Variants in PNP observed in about 807,000 individuals in gnomAD.
PNP encodes HEL-S-156an.
In PNP, 18 loss-of-function variants were observed where a neutral mutation model predicts 26.8. The observed-to-expected ratio is 0.67, with a 90% confidence interval of 0.46 to 1.00. The LOEUF (loss-of-function observed/expected upper bound fraction) is 1.00. Ranked by LOEUF, PNP falls within the 50% of genes least tolerant of loss-of-function variation. The probability of loss-of-function intolerance (pLI) is 0.00; values close to 1 mark genes in which losing one functional copy is unlikely to be tolerated. For synonymous variants in PNP, 116 were observed against 124.8 expected (o/e 0.93, Z 0.47); for missense variants, 320 against 362.9 (o/e 0.88, Z 0.96).
At chr14:20,470,606 G>T (rs547674842) in intron 1 of PNP, 1 of 152,532 alleles carries the variant, frequency 6.6e-6, no homozygotes, top group East Asian at 1.9e-4. Flanking sequence ...GGATGTGAGA[G>T]AACTGGACTT....
At position 20,474,594 on chromosome 14, in the gene PNP, T is replaced by C. The variant is rs61730857; in HGVS notation, c.285+19T>C. ...CTGGAAGGTAAGTCAGAGGGATAGG[T>C]CCGGTTGGATCTGGAAGAGGCAGGA... On this transcript the variant is annotated intron_variant, in intron 3 of 5. Transcript: ENST00000361505. 10,022 of 1,600,744 alleles carry C rather than the reference T, an allele frequency of 6.3e-3. 449 individuals carry two copies. In the African/African-American group the frequency reaches 0.11, roughly 17 times the overall value.
Position 20,476,379 on chromosome 14 carries a change from A to G in PNP, c.653-5A>G. On this transcript the variant is annotated splice_region_variant and splice_polypyrimidine_tract_variant and intron_variant, in intron 5 of 5. Coordinates refer to ENST00000361505, the MANE Select transcript of PNP (RefSeq NM_000270.4). The stretch of plus-strand genomic sequence containing the variant: ...ACAGTTGGTTTCCATCTTTCTCACT[A>G]TCAGGCATGAGTACAGTACCAGAAG... The G allele has an allele frequency of 1.9e-6, 3 of 1,608,600 alleles. No individual in the cohort carries two copies. The highest frequency in any genetic ancestry group is 2.6e-6 in the Non-Finnish European group (3 of 1,175,242).
Position 20,476,763 on chromosome 14 carries a change from TGCC to T in PNP, c.*163_*165del. ...ACTTTCTTCTACCAGACCCTTCTGG[TGCC>T]AGATCCTCTTCTCAAAGCTGGGATT... On this transcript the variant is annotated 3_prime_UTR_variant, in exon 6 of 6. Transcript: ENST00000361505. 1.5e-6 allele frequency: 1 copy of T among 687,346 alleles called. No homozygotes were observed. The highest frequency in any genetic ancestry group is 2.6e-6 in the Non-Finnish European group (1 of 379,600). 42.6% of individuals were successfully genotyped at this position (687,346 alleles called of 1,614,324 possible).
chr14:20,471,650 A>G (rs1566524230), intron 1 of PNP, among the ~76,000 whole-genome samples: 1 of 152,180 alleles, frequency 6.6e-6, no homozygotes, highest in Non-Finnish European at 1.5e-5. Context: ...GACCTCTACC[A>G]GGGGTGGTCC....
chr14:20,469,553 C>T lies in PNP; in HGVS notation c.11+18C>T, dbSNP rs1186691202. The T allele has an allele frequency of 1.3e-6, 2 of 1,554,740 alleles. No individual in the cohort carries two copies. The highest frequency in any genetic ancestry group is 1.4e-5 in the African/African-American group (1 of 73,210). On this transcript the variant is annotated intron_variant, in intron 1 of 5. Coordinates refer to ENST00000361505, the MANE Select transcript of PNP (RefSeq NM_000270.4). ...GAGAACGGGTGAGGAGGGCACCAGG[C>T]CCGCAGGACCCTTGGGGAGGGGCAG...
intron 2 of PNP, 179 bp downstream of exon 2, chr14:20,472,656 A>C: frequency 1.4e-6 from 1 of 698,836 alleles, no homozygotes; most frequent in Non-Finnish European, 2.6e-6. Context: ...CCTCTAGCAG[A>C]CATCCCATAA....
At chr14:20,475,580 G>T (rs1008850620) in intron 5 of PNP, among the ~76,000 whole-genome samples, 1 of 152,100 alleles carries the variant, frequency 6.6e-6, no homozygotes, top group Non-Finnish European at 1.5e-5. Flanking sequence ...CGCCTCCCGG[G>T]TTCAAGCAAT....
rs104894451 is a variant in PNP at position 20,476,432 on chromosome 14, G to A, written c.701G>A (p.Arg234Gln). The change falls in exon 6 of 6, where the codon CGA becomes CAA. Residue 234 changes from arginine (R) to glutamine (Q), a missense_variant. By Grantham distance (43) the Arg-to-Gln change is conservative. Coordinates refer to ENST00000361505, the MANE Select transcript of PNP (RefSeq NM_000270.4). ...ATCGTTGCACGGCACTGTGGACTTCGAGTCTTTGGCTTCTCACTCATCACT... is the reference window on the plus strand; with the variant it reads ...ATCGTTGCACGGCACTGTGGACTTCAAGTCTTTGGCTTCTCACTCATCACT... ...EVIVARHCGL[R>Q]VFGFSLITNK... is the part of the protein sequence containing the mutation. 3.1e-5 allele frequency: 50 copies of A among 1,614,086 alleles called. No individual in the cohort carries two copies. The highest frequency in any genetic ancestry group is 4.1e-5 in the Non-Finnish European group (48 of 1,180,044).
At chr14:20,470,813 G>A (rs558028108) in intron 1 of PNP, 1 of 152,374 alleles carries the variant, frequency 6.6e-6, no homozygotes, top group East Asian at 1.9e-4. Flanking sequence ...GTGTAACAGA[G>A]CCATAGGTCT....
chr14:20,475,032 T>G, intron 4 of PNP, 30 bp from the exon 5 acceptor site: 3 of 1,614,108 alleles, frequency 1.9e-6, no homozygotes, highest in Non-Finnish European at 2.5e-6. Context: ...AAAATTCCGT[T>G]TATGTGAGAT....
intron 2 of PNP, chr14:20,472,842 G>A (rs1882016483): frequency 4.2e-6 from 1 of 238,768 alleles, no homozygotes; most frequent in South Asian, 5.6e-5. Flanking sequence ...TCCCTGGAGA[G>A]TTAAGAATTT....
intron 1 of PNP, among the ~76,000 whole-genome samples, chr14:20,471,195 T>TA (rs1881979136): frequency 8.2e-6 from 1 of 121,602 alleles, no homozygotes; most frequent in South Asian, 2.6e-4. Flanking sequence ...CACGCCCGGC[T>TA]AATTTTTTTT....
At chr14:20,476,247 C>T (rs925529422) in intron 5 of PNP, 137 bp from the exon 6 acceptor site, 29 of 756,362 alleles carry the variant, frequency 3.8e-5, no homozygotes, top group African/African-American at 3.4e-4. Flanking sequence ...ACTGGGATTA[C>T]AGGTGTGAAC....
Position 20,475,094 on chromosome 14 carries a change from C to A in PNP, c.494C>A (p.Ala165Asp), listed in dbSNP as rs767426433. The A allele has an allele frequency of 6.2e-7, 1 of 1,614,156 alleles. No individual in the cohort carries two copies. The highest frequency in any genetic ancestry group is 8.5e-7 in the Non-Finnish European group (1 of 1,180,032). ...GATCGTTTCCCTGCCATGTCTGATG[C>A]CTACGACCGGACTATGAGGCAGAGG... The part of the protein sequence containing the change: ...FGDRFPAMSD[A>D]YDRTMRQRAL... The change falls in exon 5 of 6, where the codon GCC (alanine) becomes GAC (aspartate). Residue 165 changes from alanine (A) to aspartate (D), a missense_variant. Coordinates refer to ENST00000361505, the MANE Select transcript of PNP (RefSeq NM_000270.4).
At chr14:20,470,371 C>A (rs990338236) in intron 1 of PNP, among the ~76,000 whole-genome samples, 1 of 152,186 alleles carries the variant, frequency 6.6e-6, no homozygotes, top group African/African-American at 2.4e-5. Flanking sequence ...AACATTTTAC[C>A]AGCTTAATTG....
chr14:20,472,672 A>G, intron 2 of PNP, 195 bp downstream of exon 2: 1 of 673,672 alleles, frequency 1.5e-6, no homozygotes, highest in South Asian at 1.6e-5. Flanking sequence ...CATAAGAGAC[A>G]GGACATGTGT....
intron 2 of PNP, chr14:20,473,903 A>C (rs751975152): frequency 6.5e-6 from 1 of 154,842 alleles, no homozygotes; most frequent in Admixed American, 6.4e-5. Flanking sequence ...CAGGGGTACA[A>C]TGCAGTTTTG....
chr14:20,476,245 T>C, intron 5 of PNP, 139 bp from the exon 6 acceptor site: 1 of 750,634 alleles, frequency 1.3e-6, no homozygotes, highest in South Asian at 1.5e-5. Context: ...GTACTGGGAT[T>C]ACAGGTGTGA....
intron 2 of PNP, chr14:20,473,208 G>T (rs1882026094): frequency 6.6e-6 from 1 of 152,078 alleles, no homozygotes; most frequent in African/African-American, 2.4e-5. Context: ...CTTGGTTCTA[G>T]TCCCTCTCCC....
Sources: allele counts gnomAD v4.1 joint callset (sites outside exome capture counted in the v4.1 genomes callset), GRCh38; gene constraint gnomAD v4.1.1; transcripts MANE v1.5; gene names NCBI Gene and HGNC (gene_info 2026-07-23, HGNC 2026-07-21).